CHRM5: variants seen among roughly 807,000 people sequenced by gnomAD.
CHRM5 encodes muscarinic acetylcholine receptor M5.
Under a neutral mutation model 39.0 loss-of-function variants are expected in CHRM5, and 18 were observed. The observed-to-expected ratio is 0.46, with a 90% confidence interval of 0.32 to 0.68. CHRM5 has a LOEUF of 0.68. CHRM5 is among the 30% of genes least tolerant of loss of function. The pLI is 0.04. For missense variants in CHRM5, 515 were observed against 651.1 expected (o/e 0.79, Z 2.28); for synonymous variants, 241 against 246.3 (o/e 0.98, Z 0.20).
At chr15:34,056,920 T>C (rs536225861) in intron 2 of CHRM5, among the ~76,000 whole-genome samples, 3 of 152,024 alleles carry the variant, frequency 2.0e-5, no homozygotes, top group Non-Finnish European at 4.4e-5. Flanking sequence ...ATGCCTGTAG[T>C]CCCAGCCACT....
In CHRM5 at chr15:34,066,020, C is replaced by G. The variant is rs1900501318; in HGVS notation, c.*1704C>G. ...TACCACTGAAGAGCATCATCAGCCT[C>G]TCACAGGATGTCCCACGGAGGCTTC... On this transcript the variant is annotated 3_prime_UTR_variant, in exon 3 of 3. Transcript: ENST00000383263. The G allele has an allele frequency of 6.6e-6, 1 of 152,258 alleles. No individual in the cohort carries two copies. Among genetic ancestry groups the G allele is most frequent in the Non-Finnish European group, 1.5e-5 (1 of 68,062 alleles). 9.4% of individuals were successfully genotyped at this position (152,258 alleles called of 1,614,324 possible).
chr15:34,041,699 A>T (rs751639121), intron 1 of CHRM5, among the ~76,000 whole-genome samples: 1 of 152,182 alleles, frequency 6.6e-6, no homozygotes, highest in Admixed American at 6.5e-5. Context: ...ACCTGATACT[A>T]TTCTAAGCAC....
Position 34,066,684 on chromosome 15 carries a change from G to A in CHRM5, c.*2368G>A, listed in dbSNP as rs1900519153. 1 of 152,146 alleles carries A rather than the reference G, an allele frequency of 6.6e-6. No homozygotes were observed. The highest frequency in any genetic ancestry group is 1.5e-5 in the Non-Finnish European group (1 of 68,086). 9.4% of individuals were successfully genotyped at this position (152,146 alleles called of 1,614,324 possible). Reference sequence around the variant, plus strand: ...CTGGGCATTAGCAGGGCATCGTAGTGTGTGCCTGTAGACCCAGCTACTTCA... The same window carrying A: ...CTGGGCATTAGCAGGGCATCGTAGTATGTGCCTGTAGACCCAGCTACTTCA... On this transcript the variant is annotated 3_prime_UTR_variant, in exon 3 of 3. Transcript: ENST00000383263.
intron 1 of CHRM5, among the ~76,000 whole-genome samples, chr15:33,982,032 C>A (rs920020812): frequency 6.9e-6 from 1 of 144,758 alleles, no homozygotes; most frequent in Admixed American, 6.9e-5. Context: ...TGTATTTTTT[C>A]TTTTTTTTTT....
Position 34,063,170 on chromosome 15 carries a change from T to C in CHRM5, c.453T>C (p.Ile151=). ...KRTPKRAGIM[I]GLAWLISFIL... ...CTCCGAAAAGGGCTGGCATCATGAT[T>C]GGCTTGGCCTGGCTGATCTCCTTCA... is the stretch of plus-strand genomic sequence containing the variant. Residue 151 remains isoleucine, a synonymous_variant, in exon 3 of 3, where the codon ATT becomes ATC. Transcript: ENST00000383263. The surrounding 1 kb of genome is among the most constrained non-coding windows in gnomAD (Gnocchi z 4.1). 6.2e-7 allele frequency: 1 copy of C among 1,614,188 alleles called. No homozygotes were observed. Among genetic ancestry groups the C allele is most frequent in the African/African-American group, 1.3e-5 (1 of 75,054 alleles).
chr15:33,975,883 T>C (rs1353404021), intron 1 of CHRM5, among the ~76,000 whole-genome samples: 1 of 152,138 alleles, frequency 6.6e-6, no homozygotes, highest in Non-Finnish European at 1.5e-5. Context: ...TGAGCCTAGA[T>C]TGTGCCACTG....
chr15:33,983,128 CTGTGTGTG>C (rs373285133), intron 1 of CHRM5, among the ~76,000 whole-genome samples: 45 of 135,344 alleles, frequency 3.3e-4, no homozygotes, highest in African/African-American at 6.9e-4. Flanking sequence ...TGTCCATACT[CTGTGTGTG>C]TGTGTGTGTG....
At chr15:34,005,054 A>C (rs1053759074) in intron 1 of CHRM5, among the ~76,000 whole-genome samples, 1 of 152,124 alleles carries the variant, frequency 6.6e-6, no homozygotes, top group African/African-American at 2.4e-5. Flanking sequence ...AGCAAAACTA[A>C]AATATATAAA....
intron 1 of CHRM5, among the ~76,000 whole-genome samples, chr15:34,015,307 C>T (rs2140683286): frequency 6.6e-6 from 1 of 152,142 alleles, no homozygotes; most frequent in East Asian, 1.9e-4. Flanking sequence ...CACAGTGAAA[C>T]CCCACCTCTA....
chr15:33,970,043 TATC>T (rs1895568044), intron 1 of CHRM5, among the ~76,000 whole-genome samples: 1 of 151,994 alleles, frequency 6.6e-6, no homozygotes, highest in South Asian at 2.1e-4. Flanking sequence ...CAAAGCACCT[TATC>T]ATAAAGAAGT....
intron 1 of CHRM5, among the ~76,000 whole-genome samples, chr15:34,045,191 C>G (rs1899640833): frequency 6.6e-6 from 1 of 152,152 alleles, no homozygotes; most frequent in Non-Finnish European, 1.5e-5. Flanking sequence ...TCTTTCAGTT[C>G]AAGGACTATC....
In CHRM5 at chr15:34,062,677, C is replaced by A; in HGVS notation, c.-41C>A. ...AAGAAGAGCTGAAATAGAAAACAGC[C>A]TAGAACCTAACACTATTTACTGTAA... On this transcript the variant is annotated 5_prime_UTR_variant, in exon 3 of 3. Coordinates refer to ENST00000383263, the MANE Select transcript of CHRM5 (RefSeq NM_012125.4). 1 of 1,564,606 alleles carries A rather than the reference C, an allele frequency of 6.4e-7. No individual in the cohort carries two copies. Among genetic ancestry groups the A allele is most frequent in the Non-Finnish European group, 8.7e-7 (1 of 1,153,452 alleles).
At position 34,037,236 on chromosome 15, in the gene CHRM5, G is replaced by C. The variant is rs1899185253; in HGVS notation, c.-407-9304G>C. 2.6e-5 allele frequency among the ~76,000 whole-genome samples: 4 copies of C among 151,992 alleles called. No individual in the cohort carries two copies. The South Asian group carries it at 8.3e-4, about 32-fold the overall frequency. ...CTTATTAGTAAAGTCCTGTGCGCCAGACACCATAGTTAACACCAAATGTAC... is the reference window on the plus strand; with the variant it reads ...CTTATTAGTAAAGTCCTGTGCGCCACACACCATAGTTAACACCAAATGTAC... On this transcript the variant is annotated intron_variant, in intron 1 of 2. Coordinates refer to ENST00000383263, the MANE Select transcript of CHRM5 (RefSeq NM_012125.4).
chr15:33,975,008 C>A (rs1895823437), intron 1 of CHRM5, among the ~76,000 whole-genome samples: 1 of 152,116 alleles, frequency 6.6e-6, no homozygotes. Context: ...TGAGTTTTGA[C>A]ATCCTATCAT....
Position 34,063,002 on chromosome 15 carries a change from C to T in CHRM5, c.285C>T (p.Arg95=), listed in dbSNP as rs1900399253. The change falls in exon 3 of 3, where the codon CGC becomes CGT. Residue 95 remains arginine, a synonymous_variant. Transcript: ENST00000383263. The surrounding 1 kb of genome is among the most constrained non-coding windows in gnomAD (Gnocchi z 4.1). The stretch of plus-strand genomic sequence containing the variant: ...ACACCACCTACATCCTCATGGGACG[C>T]TGGGCTCTCGGGAGTCTGGCTTGTG... ...NLYTTYILMG[R]WALGSLACDL... is the part of the protein sequence containing the mutation. 5.0e-6 allele frequency: 8 copies of T among 1,614,104 alleles called. No individual in the cohort carries two copies. Among genetic ancestry groups the T allele is most frequent in the African/African-American group, 1.3e-5 (1 of 74,942 alleles).
chr15:34,038,895 C>G, intron 1 of CHRM5: 1 of 1,132,260 alleles, frequency 8.8e-7, no homozygotes, highest in Non-Finnish European at 1.1e-6. Context: ...GCCACGGCCC[C>G]GGCGTCCGCC....
intron 1 of CHRM5, among the ~76,000 whole-genome samples, chr15:34,005,546 C>T (rs953996324): frequency 6.6e-6 from 1 of 152,190 alleles, no homozygotes; most frequent in Non-Finnish European, 1.5e-5. Flanking sequence ...CCCTTTGTTA[C>T]AGCACATAAG....
At chr15:34,022,053 G>C (rs969593926) in intron 1 of CHRM5, among the ~76,000 whole-genome samples, 1 of 152,170 alleles carries the variant, frequency 6.6e-6, no homozygotes, top group African/African-American at 2.4e-5. Flanking sequence ...GGCATTGTTT[G>C]CAATAAGGAC....
rs2702304 is a variant in CHRM5, at chr15:34,063,801, C to T, written c.1084C>T (p.Leu362Phe). ...EKSDYDTPNY[L>F]LSPAAAHRPK... ...AAGTGACTATGACACCCCAAACTAC[C>T]TTCTGTCTCCAGCAGCTGCTCATAG... The change falls in exon 3 of 3, where the codon CTT becomes TTT. Residue 362 changes from leucine to phenylalanine, a missense_variant. By Grantham distance (22) the Leu-to-Phe change is conservative (BLOSUM62 0). Transcript: ENST00000383263. The surrounding 1 kb of genome is among the most constrained non-coding windows in gnomAD (Gnocchi z 4.1). 6.2e-7 allele frequency: 1 copy of T among 1,614,186 alleles called. No homozygotes were observed. Among genetic ancestry groups the T allele is most frequent in the Non-Finnish European group, 8.5e-7 (1 of 1,180,030 alleles).
Sources: gnomAD v4.1 joint callset for allele counts (sites outside exome capture counted in the v4.1 genomes callset) on GRCh38, gnomAD v4.1.1 for gene constraint, Gnocchi (gnomAD v3.1) non-coding constraint, MANE v1.5 for transcripts, NCBI Gene and HGNC (gene_info 2026-07-23, HGNC 2026-07-21) for gene names.